The following PTPRN2 variants were observed in gnomAD, a reference collection of about 807,000 sequenced individuals.
PTPRN2 encodes protein tyrosine phosphatase receptor type N2.
Under a neutral mutation model 118.8 loss-of-function variants are expected in PTPRN2, and 74 were observed. The ratio of observed to expected loss-of-function variants is 0.62; its 90% CI spans 0.52 to 0.76. The LOEUF is 0.76. Among genes scored for constraint, PTPRN2 ranks in the 30% least tolerant of loss-of-function variants. The pLI, the probability that PTPRN2 is intolerant of heterozygous loss-of-function variation, is 0.00. For missense variants in PTPRN2, 1,481 were observed against 1,394.4 expected (o/e 1.06, Z -0.99); for synonymous variants, 641 against 608.0 (o/e 1.05, Z -0.80).
chr7:157,759,382 T>C (rs1802000107), intron 12 of PTPRN2, among the ~76,000 whole-genome samples: 1 of 152,228 alleles, frequency 6.6e-6, no homozygotes, highest in Admixed American at 6.5e-5. Flanking sequence ...CTGGATGGAC[T>C]GGCTCCTGCG....
chr7:158,052,849 CCCT>C (rs1373654875), intron 11 of PTPRN2, among the ~76,000 whole-genome samples: 1 of 152,214 alleles, frequency 6.6e-6, no homozygotes, highest in Admixed American at 6.5e-5. Context: ...CCACCACGTT[CCCT>C]CGAGGCCAGG....
intron 15 of PTPRN2, among the ~76,000 whole-genome samples, chr7:157,620,923 T>G (rs1278184994): frequency 2.8e-5 from 4 of 141,078 alleles, no homozygotes; most frequent in Non-Finnish European, 3.1e-5. Context: ...GCATGGCCAG[T>G]TTCCCCCGCC....
intron 12 of PTPRN2, among the ~76,000 whole-genome samples, chr7:157,737,537 C>T (rs1264245236): frequency 6.6e-6 from 1 of 152,230 alleles, no homozygotes; most frequent in African/African-American, 2.4e-5. Flanking sequence ...CCCTGGTTAT[C>T]CCCTGAGGCG....
intron 10 of PTPRN2, among the ~76,000 whole-genome samples, chr7:158,091,936 A>G (rs1209960251): frequency 2.6e-4 from 1 of 3,920 alleles, no homozygotes; most frequent in African/African-American, 1.1e-3. Context: ...GGGTGGGTGG[A>G]TGGGTGAGGG....
At chr7:158,198,768 C>T (rs1826411825) in intron 4 of PTPRN2, among the ~76,000 whole-genome samples, 1 of 14,702 alleles carries the variant, frequency 6.8e-5, no homozygotes, top group Non-Finnish European at 1.4e-4. Context: ...CTCAGGTCCT[C>T]CTTAGCCCTT....
chr7:157,809,926 C>T lies in PTPRN2; in HGVS notation c.1788+88747G>A, dbSNP rs534750270. 5.3e-5 allele frequency among the ~76,000 whole-genome samples: 8 copies of T among 152,218 alleles called. No homozygotes were observed. The South Asian group carries it at 6.2e-4, about 12-fold the overall frequency. On this transcript the variant is annotated intron_variant, in intron 12 of 22. Coordinates refer to ENST00000389418, the MANE Select transcript of PTPRN2 (RefSeq NM_002847.5). ...GCTGTCCTTGAACAGGAGGCAGGTT[C>T]GGGGAACAGGACTGTAATGGGTCAT...
intron 11 of PTPRN2, among the ~76,000 whole-genome samples, chr7:158,053,309 C>T (rs2128898348): frequency 6.6e-6 from 1 of 152,230 alleles, no homozygotes; most frequent in East Asian, 1.9e-4. Flanking sequence ...GCCATAGTGA[C>T]TGAGGGAGAA....
chr7:157,771,372 C>T (rs912519647), intron 12 of PTPRN2, among the ~76,000 whole-genome samples: 1 of 152,126 alleles, frequency 6.6e-6, no homozygotes, highest in South Asian at 2.1e-4. Flanking sequence ...GGGGTACCTG[C>T]CCCCCCATTC....
intron 2 of PTPRN2, among the ~76,000 whole-genome samples, chr7:158,422,936 A>C (rs1254641058): frequency 6.6e-6 from 1 of 152,124 alleles, no homozygotes; most frequent in East Asian, 1.9e-4. Flanking sequence ...GCCACTGCAC[A>C]CTCCTGCTGC....
intron 12 of PTPRN2, among the ~76,000 whole-genome samples, chr7:157,839,836 T>A (rs1252907206): frequency 6.7e-6 from 1 of 149,866 alleles, no homozygotes; most frequent in African/African-American, 2.5e-5. Flanking sequence ...TGTGGCCACG[T>A]GTGACTGTGT....
chr7:157,557,007 GCA>G (rs999287952), intron 21 of PTPRN2, among the ~76,000 whole-genome samples: 3 of 147,106 alleles, frequency 2.0e-5, no homozygotes, highest in Non-Finnish European at 3.0e-5. Flanking sequence ...GCACATGCAT[GCA>G]CACACATATA....
intron 2 of PTPRN2, among the ~76,000 whole-genome samples, chr7:158,409,471 G>C (rs1018230622): frequency 1.3e-5 from 2 of 152,228 alleles, no homozygotes; most frequent in African/African-American, 4.8e-5. Context: ...GAAGGAAAGA[G>C]TGGCTGCTGC....
chr7:157,866,432 G>A (rs1293511506), intron 12 of PTPRN2, among the ~76,000 whole-genome samples: 6 of 151,814 alleles, frequency 4.0e-5, no homozygotes, highest in South Asian at 2.1e-4. Context: ...GCACACACAC[G>A]ACCATATGTA....
At position 158,166,928 on chromosome 7, in the gene PTPRN2, C is replaced by T. The variant is rs10277232; in HGVS notation, c.910+3G>A. 571,764 of 1,421,054 alleles carry T rather than the reference C, an allele frequency of 0.4. 117,483 individuals carry two copies. The highest frequency in any genetic ancestry group is 0.46 in the Middle Eastern group (2,001 of 4,360). The allele number at this position is 1,421,054 out of a possible 1,614,324, so 88.0% of individuals were successfully genotyped here. On this transcript the variant is annotated splice_donor_region_variant and intron_variant, in intron 6 of 22. Transcript: ENST00000389418. ...CAAGAAACACCAAGCGGGGCTGGCT[C>T]ACCATCGCCTGTGCTGGAGGGGTCT...
At chr7:158,244,609 C>A (rs1490615683) in intron 3 of PTPRN2, among the ~76,000 whole-genome samples, 1 of 151,756 alleles carries the variant, frequency 6.6e-6, no homozygotes, top group Non-Finnish European at 1.5e-5. Flanking sequence ...GTTGTGTGTA[C>A]AAGCTATGTA....
chr7:157,985,516 G>T (rs1320157967), intron 11 of PTPRN2, among the ~76,000 whole-genome samples: 1 of 152,126 alleles, frequency 6.6e-6, no homozygotes, highest in African/African-American at 2.4e-5. Flanking sequence ...ACTCAAAATG[G>T]GAAAGAAAGA....
Position 157,831,903 on chromosome 7 carries a change from T to C in PTPRN2, c.1788+66770A>G, listed in dbSNP as rs959506525. On this transcript the variant is annotated intron_variant, in intron 12 of 22. Transcript: ENST00000389418. The surrounding 1 kb of genome is among the most constrained non-coding windows in gnomAD (Gnocchi z 4.8). ...CATCCTTAAGCTGGGGGAGGGCAGTTATGGAGCTCCAGAGCGGGGTAAGTT... is the reference window on the plus strand; with the variant it reads ...CATCCTTAAGCTGGGGGAGGGCAGTCATGGAGCTCCAGAGCGGGGTAAGTT... 2.6e-5 allele frequency among the ~76,000 whole-genome samples: 4 copies of C among 152,154 alleles called. No homozygotes were observed. The highest frequency in any genetic ancestry group is 9.7e-5 in the African/African-American group (4 of 41,436).
At chr7:157,714,832 C>T (rs566488213) in intron 12 of PTPRN2, among the ~76,000 whole-genome samples, 46 of 150,404 alleles carry the variant, frequency 3.1e-4, no homozygotes, top group Non-Finnish European at 6.2e-4. Flanking sequence ...CCCTGGGGAA[C>T]GGCACTGAGC....
rs531353593 is a variant in PTPRN2 at position 157,977,716 on chromosome 7, G to A, written c.1724-78979C>T. Reference sequence around the variant, plus strand: ...AGTACCTGTGAGCAGGGGAGGTGGGGGCGGGAGGAAGTGAGAGGTAGGATC... The same window carrying A: ...AGTACCTGTGAGCAGGGGAGGTGGGAGCGGGAGGAAGTGAGAGGTAGGATC... On this transcript the variant is annotated intron_variant, in intron 11 of 22. Transcript: ENST00000389418. The surrounding 1 kb of genome is among the most constrained non-coding windows in gnomAD (Gnocchi z 4.6). Among the ~76,000 whole-genome samples the A allele has an allele frequency of 1.3e-5, 2 of 151,952 alleles. No homozygotes were observed. The highest frequency in any genetic ancestry group is 2.4e-5 in the African/African-American group (1 of 41,510).
Sources: gnomAD v4.1 joint callset for allele counts (sites outside exome capture counted in the v4.1 genomes callset) on GRCh38, gnomAD v4.1.1 for gene constraint, Gnocchi (gnomAD v3.1) non-coding constraint, MANE v1.5 for transcripts, NCBI Gene and HGNC (gene_info 2026-07-23, HGNC 2026-07-21) for gene names.